Variants in CACNA1C observed in about 807,000 individuals in gnomAD.
CACNA1C encodes voltage-dependent L-type calcium channel subunit alpha-1C.
In CACNA1C, 30 loss-of-function variants were observed where a neutral mutation model predicts 229.0. That is an observed-to-expected ratio of 0.13 (90% CI 0.10 to 0.18). The LOEUF is 0.18. Ranked by LOEUF, CACNA1C falls within the 10% of genes least tolerant of loss-of-function variation. CACNA1C has a pLI of 1.00. For missense variants in CACNA1C, 1,658 were observed against 2,845.0 expected (o/e 0.58, Z 9.49); for synonymous variants, 1,114 against 1,132.5 (o/e 0.98, Z 0.33).
At chr12:2,199,035 C>A (rs1374743077) in intron 3 of CACNA1C, among the ~76,000 whole-genome samples, 1 of 152,150 alleles carries the variant, frequency 6.6e-6, no homozygotes, top group Non-Finnish European at 1.5e-5. Context: ...TCGAGTGGCT[C>A]CAAGTCATTT....
At position 2,601,937 on chromosome 12, in the gene CACNA1C, G is replaced by T. The variant is rs1016238751; in HGVS notation, c.2937G>T (p.Val979=). 8 of 1,612,994 alleles carry T rather than the reference G, an allele frequency of 5.0e-6. No individual in the cohort carries two copies. The highest frequency in any genetic ancestry group is 5.9e-6 in the Non-Finnish European group (7 of 1,178,980). Reference sequence around the variant, plus strand: ...TCCTGGACCTGCTGGTGGTCAGCGTGTCCCTCATCTCCTTTGGCATCCAGT... The same window carrying T: ...TCCTGGACCTGCTGGTGGTCAGCGTTTCCCTCATCTCCTTTGGCATCCAGT... The part of the protein sequence containing the change: ...FNILDLLVVS[V]SLISFGIQSS... The change falls in exon 22 of 47, where the codon GTG becomes GTT. Residue 979 remains valine (V), a synonymous_variant. Transcript: ENST00000399655. This position sits in a 1 kb window ranked among gnomAD's most constrained non-coding sequence, Gnocchi z 5.9.
chr12:2,120,699 T>TC (rs2086289515), intron 3 of CACNA1C, among the ~76,000 whole-genome samples: 1 of 150,788 alleles, frequency 6.6e-6, no homozygotes, highest in Non-Finnish European at 1.5e-5. Flanking sequence ...TGTGTGTGTT[T>TC]AGTAGCAAAT....
intron 3 of CACNA1C, among the ~76,000 whole-genome samples, chr12:2,411,961 C>T (rs2098812187): frequency 6.6e-6 from 1 of 152,220 alleles, no homozygotes; most frequent in Non-Finnish European, 1.5e-5. Flanking sequence ...TCCCTCTGAG[C>T]TGTCCTGTGG....
intron 27 of CACNA1C, among the ~76,000 whole-genome samples, chr12:2,609,295 G>A (rs1333783784): frequency 6.6e-6 from 1 of 152,088 alleles, no homozygotes; most frequent in Non-Finnish European, 1.5e-5. Flanking sequence ...GGTAGATGTA[G>A]TGCCTCAGGT....
chr12:2,616,286 C>T (rs904167031), intron 29 of CACNA1C, among the ~76,000 whole-genome samples: 1 of 152,218 alleles, frequency 6.6e-6, no homozygotes, highest in Non-Finnish European at 1.5e-5. Context: ...CTGTCTGGGC[C>T]TCCTCAGCCC....
rs1439110464 is a variant in CACNA1C at position 2,479,349 on chromosome 12, G to A, written c.758-6755G>A. ...CCCACTTCTGCCTCCTGAAGTGCTG[G>A]GATTACAAGCCTAAAGCCACTGTGC... On this transcript the variant is annotated intron_variant, in intron 5 of 46. Coordinates refer to ENST00000399655, the MANE Select transcript of CACNA1C (RefSeq NM_000719.7). The surrounding 1 kb of genome is among the most constrained non-coding windows in gnomAD (Gnocchi z 4.3). Among the ~76,000 whole-genome samples, 2 of 152,054 alleles carry A rather than the reference G, an allele frequency of 1.3e-5. No individual in the cohort carries two copies. The highest frequency in any genetic ancestry group is 2.9e-5 in the Non-Finnish European group (2 of 68,022).
intron 1 of CACNA1C, among the ~76,000 whole-genome samples, chr12:2,071,160 C>CCCTTCCTT (rs1229076331): frequency 1.5e-5 from 1 of 64,998 alleles, no homozygotes. Context: ...CTCCCTCCCT[C>CCCTTCCTT]CCTCCCTCCC....
chr12:2,628,677 C>G (rs983114131), intron 29 of CACNA1C, among the ~76,000 whole-genome samples: 1 of 152,012 alleles, frequency 6.6e-6, no homozygotes, highest in African/African-American at 2.4e-5. Flanking sequence ...AGGGCGGAGA[C>G]AGGAGGATCA....
At chr12:2,562,064 A>C (rs1284822132) in intron 11 of CACNA1C, among the ~76,000 whole-genome samples, 1 of 151,944 alleles carries the variant, frequency 6.6e-6, no homozygotes, top group Non-Finnish European at 1.5e-5. Flanking sequence ...CTGGATAGTA[A>C]TTACCCCACC....
chr12:2,253,903 G>A (rs778418235), intron 3 of CACNA1C, among the ~76,000 whole-genome samples: 2 of 152,146 alleles, frequency 1.3e-5, no homozygotes, highest in Non-Finnish European at 2.9e-5. Context: ...TGGGATCACT[G>A]GAGAGAGAAA....
Position 2,529,061 on chromosome 12 carries a change from C to A in CACNA1C, c.1390+16077C>A, listed in dbSNP as rs533683524. On this transcript the variant is annotated intron_variant, in intron 9 of 46. Coordinates refer to ENST00000399655, the MANE Select transcript of CACNA1C (RefSeq NM_000719.7). ...ATCAGAGATGTTATCTGTAAGGAGGCTTGTAGAAGTTTAGTTACATATTCC... is the reference window on the plus strand; with the variant it reads ...ATCAGAGATGTTATCTGTAAGGAGGATTGTAGAAGTTTAGTTACATATTCC... 2.0e-5 allele frequency among the ~76,000 whole-genome samples: 3 copies of A among 152,310 alleles called. No homozygotes were observed. The East Asian group carries it at 5.8e-4, about 29-fold the overall frequency.
chr12:2,257,379 A>G (rs1305004035), intron 3 of CACNA1C, among the ~76,000 whole-genome samples: 1 of 152,188 alleles, frequency 6.6e-6, no homozygotes, highest in African/African-American at 2.4e-5. Flanking sequence ...AGTTTCGTGG[A>G]AGACAATTTT....
At chr12:2,094,298 TGCTC>T (rs2072811465) in intron 1 of CACNA1C, among the ~76,000 whole-genome samples, 2 of 152,130 alleles carry the variant, frequency 1.3e-5, no homozygotes, top group South Asian at 4.2e-4. Flanking sequence ...GCACATCCCA[TGCTC>T]AAGGAGTTCC....
At chr12:2,448,852 C>G (rs1027302461) in intron 3 of CACNA1C, 124 bp from the exon 4 acceptor site, 7 of 754,796 alleles carry the variant, frequency 9.3e-6, no homozygotes, top group Non-Finnish European at 1.5e-5. Flanking sequence ...GGTGTCCCCA[C>G]TTGGTTCCAC....
At chr12:2,429,793 C>T (rs187220266) in intron 3 of CACNA1C, among the ~76,000 whole-genome samples, 50 of 152,246 alleles carry the variant, frequency 3.3e-4, no homozygotes, top group African/African-American at 1.1e-3. Context: ...AAACACCAGC[C>T]GTGCCCAGCT....
chr12:2,010,703 G>C (rs1593623237), intron 1 of CACNA1C: 1 of 152,154 alleles, frequency 6.6e-6, no homozygotes, highest in East Asian at 1.9e-4. Flanking sequence ...TGTATTTCTG[G>C]GCATCACCCT....
At chr12:2,456,094 GCAGA>G (rs2099416390) in intron 4 of CACNA1C, among the ~76,000 whole-genome samples, 1 of 152,342 alleles carries the variant, frequency 6.6e-6, no homozygotes, top group South Asian at 2.1e-4. Flanking sequence ...GAAGTTCTCA[GCAGA>G]ACGCTTAATG....
At chr12:2,381,579 C>G (rs2098248692) in intron 3 of CACNA1C, among the ~76,000 whole-genome samples, 1 of 152,192 alleles carries the variant, frequency 6.6e-6, no homozygotes, top group Non-Finnish European at 1.5e-5. Context: ...CTCCTTGCCT[C>G]CAGGTTTTCC....
chr12:2,293,384 A>G (rs2093700630), intron 3 of CACNA1C, among the ~76,000 whole-genome samples: 1 of 152,208 alleles, frequency 6.6e-6, no homozygotes, highest in Non-Finnish European at 1.5e-5. Flanking sequence ...CTAAATGTCC[A>G]GTGTGCGTAA....
Sources: gnomAD v4.1 joint callset for allele counts (sites outside exome capture counted in the v4.1 genomes callset) on GRCh38, gnomAD v4.1.1 for gene constraint, Gnocchi (gnomAD v3.1) non-coding constraint, MANE v1.5 for transcripts, NCBI Gene and HGNC (gene_info 2026-07-23, HGNC 2026-07-21) for gene names.